Variants in NLGN4X observed in about 807,000 individuals in gnomAD.
NLGN4X encodes neuroligin-4, X-linked.
A neutral mutation model predicts 40.3 loss-of-function variants in NLGN4X; 3 were observed. That is an observed-to-expected ratio of 0.07 (90% CI 0.03 to 0.19). NLGN4X has a LOEUF of 0.19. NLGN4X is among the 10% of genes least tolerant of loss of function. NLGN4X has a pLI of 1.00. For missense variants in NLGN4X, 382 were observed against 708.3 expected (o/e 0.54, Z 5.23); for synonymous variants, 270 against 306.8 (o/e 0.88, Z 1.25).
At chrX:5,915,124 T>C (rs1404322707) in intron 3 of NLGN4X, among the ~76,000 whole-genome samples, 1 of 112,438 alleles carries the variant, frequency 8.9e-6, no homozygotes, top group Non-Finnish European at 1.9e-5. Flanking sequence ...CATTCTCCAT[T>C]TGTATCATGT....
At chrX:6,114,263 A>C (rs1421033718) in intron 2 of NLGN4X, among the ~76,000 whole-genome samples, 1 of 111,913 alleles carries the variant, frequency 8.9e-6, no homozygotes, top group Non-Finnish European at 1.9e-5. Context: ...GAAGGAAAAG[A>C]CTTAGTAGGA....
intron 2 of NLGN4X, among the ~76,000 whole-genome samples, chrX:6,082,960 T>TTTTTG (rs2038398149): frequency 3.5e-5 from 3 of 85,790 alleles, no homozygotes; most frequent in Admixed American, 1.2e-4. Context: ...TTTTTTCTTT[T>TTTTTG]TTTTTTTTTT....
intron 1 of NLGN4X, among the ~76,000 whole-genome samples, chrX:6,224,977 CATATATATATATATATAT>C (rs34139921): frequency 3.8e-5 from 2 of 52,326 alleles, no homozygotes; most frequent in Non-Finnish European, 3.1e-5. Flanking sequence ...TTAAAATGGC[CATATATATATATATATAT>C]ATATATATAT....
intron 2 of NLGN4X, among the ~76,000 whole-genome samples, chrX:6,070,426 C>T (rs2038030460): frequency 9.0e-6 from 1 of 111,523 alleles, no homozygotes; most frequent in African/African-American, 3.3e-5. Flanking sequence ...AATATATTTT[C>T]ACAGCATTGT....
intron 2 of NLGN4X, among the ~76,000 whole-genome samples, chrX:6,105,692 C>T (rs2039018066): frequency 8.9e-6 from 1 of 111,864 alleles, no homozygotes; most frequent in Admixed American, 9.5e-5. Context: ...ACACATAACA[C>T]AACTCAGTCC....
chrX:5,926,636 T>C (rs1327403959), intron 3 of NLGN4X, among the ~76,000 whole-genome samples: 2 of 110,765 alleles, frequency 1.8e-5, no homozygotes, highest in Non-Finnish European at 3.8e-5. Flanking sequence ...ACAAATATTC[T>C]TACAGATGTT....
chrX:5,977,225 T>C (rs193108632), intron 3 of NLGN4X, among the ~76,000 whole-genome samples: 1 of 111,828 alleles, frequency 8.9e-6, no homozygotes, highest in East Asian at 2.8e-4. Flanking sequence ...TACTTATTTT[T>C]ATTTTTTAGA....
chrX:5,970,974 G>A (rs936419416), intron 3 of NLGN4X, among the ~76,000 whole-genome samples: 3 of 110,989 alleles, frequency 2.7e-5, no homozygotes, highest in South Asian at 3.9e-4. Context: ...GACTACTCTC[G>A]GTATAGATAC....
intron 1 of NLGN4X, among the ~76,000 whole-genome samples, chrX:6,226,344 G>T (rs1328052302): frequency 1.8e-5 from 2 of 110,892 alleles, no homozygotes; most frequent in Non-Finnish European, 3.8e-5. Context: ...AGCCTTCTGG[G>T]GAAGGGGAGG....
chrX:5,933,356 G>A (rs759213260), intron 3 of NLGN4X, among the ~76,000 whole-genome samples: 17 of 110,043 alleles, frequency 1.5e-4, no homozygotes, highest in African/African-American at 5.8e-4. Context: ...TAAATTCTTG[G>A]AAATATCTAC....
chrX:5,944,405 G>A (rs2034053734), intron 3 of NLGN4X, among the ~76,000 whole-genome samples: 1 of 110,456 alleles, frequency 9.1e-6, no homozygotes, highest in Non-Finnish European at 1.9e-5. Flanking sequence ...TCAGCACTTT[G>A]GGAAGTCAAG....
At chrX:6,187,703 T>C (rs1159213198) in intron 1 of NLGN4X, 1 of 112,351 alleles carries the variant, frequency 8.9e-6, no homozygotes, top group African/African-American at 3.2e-5. Flanking sequence ...TCAGTGCCCA[T>C]GGGAATCCTA....
chrX:6,055,155 C>T (rs1036723883), intron 2 of NLGN4X, among the ~76,000 whole-genome samples: 1 of 111,719 alleles, frequency 9.0e-6, no homozygotes, highest in African/African-American at 3.3e-5. Flanking sequence ...AGATGGAAGG[C>T]TGTGGCAGGC....
At chrX:5,919,754 A>G (rs766535397) in intron 3 of NLGN4X, among the ~76,000 whole-genome samples, 26 of 111,388 alleles carry the variant, frequency 2.3e-4, no homozygotes, top group Non-Finnish European at 4.7e-4. Context: ...TCATACTGAA[A>G]CCGTTCCCCT....
intron 2 of NLGN4X, among the ~76,000 whole-genome samples, chrX:6,094,287 A>C (rs952829223): frequency 4.5e-5 from 5 of 111,245 alleles, no homozygotes; most frequent in African/African-American, 1.6e-4. Context: ...GTGGAGAAAA[A>C]CAGAAGAAAC....
intron 3 of NLGN4X, among the ~76,000 whole-genome samples, chrX:5,943,747 A>G (rs754353209): frequency 1.3e-4 from 15 of 112,687 alleles, no homozygotes; most frequent in African/African-American, 4.8e-4. Context: ...GAATATCCAC[A>G]TTAACTGAGG....
chrX:6,187,546 T>G (rs1922170750), intron 1 of NLGN4X: 1 of 112,313 alleles, frequency 8.9e-6, no homozygotes, highest in African/African-American at 3.2e-5. Flanking sequence ...GAAGTGCCAT[T>G]AGAAGAAGGT....
intron 1 of NLGN4X, among the ~76,000 whole-genome samples, chrX:6,155,152 T>C (rs886411108): frequency 1.8e-5 from 2 of 110,620 alleles, no homozygotes; most frequent in African/African-American, 6.6e-5. Context: ...TAAAAAAAAA[T>C]AGGATAACTG....
chrX:6,165,217 G>A (rs2040473937), intron 1 of NLGN4X, among the ~76,000 whole-genome samples: 1 of 111,839 alleles, frequency 8.9e-6, no homozygotes, highest in Admixed American at 9.6e-5. Flanking sequence ...AATAACCAAG[G>A]CTTCCAAGAT....
Sources: allele counts gnomAD v4.1 joint callset (sites outside exome capture counted in the v4.1 genomes callset), GRCh38; gene constraint gnomAD v4.1.1; transcripts MANE v1.5; gene names NCBI Gene and HGNC (gene_info 2026-07-23, HGNC 2026-07-21).